The following ST3GAL1 variants were observed in gnomAD, a reference collection of about 807,000 sequenced individuals.
The protein encoded by ST3GAL1 is ST3 beta-galactoside alpha-2,3-sialyltransferase 1.
A neutral mutation model predicts 34.1 loss-of-function variants in ST3GAL1; 16 were observed. The observed-to-expected ratio is 0.47, with a 90% CI of 0.32 to 0.71. The LOEUF (loss-of-function observed/expected upper bound fraction) is 0.71, where lower values mean the gene tolerates loss of function less well. ST3GAL1 is among the 30% of genes least tolerant of loss of function. The pLI is 0.04. For missense variants in ST3GAL1, 353 were observed against 447.4 expected (o/e 0.79, Z 1.90); for synonymous variants, 191 against 184.7 (o/e 1.03, Z -0.28).
At chr8:133,540,298 C>T (rs1042859054) in intron 2 of ST3GAL1, among the ~76,000 whole-genome samples, 1 of 152,200 alleles carries the variant, frequency 6.6e-6, no homozygotes, top group Non-Finnish European at 1.5e-5. Context: ...CTCGCTGCTG[C>T]CCATCGGAAT....
intron 3 of ST3GAL1, among the ~76,000 whole-genome samples, chr8:133,494,648 T>C (rs1816886648): frequency 6.6e-6 from 1 of 152,130 alleles, no homozygotes; most frequent in South Asian, 2.1e-4. Context: ...GCCTGCAAGA[T>C]CCTACATGAA....
chr8:133,559,665 C>A (rs7820233), intron 1 of ST3GAL1, among the ~76,000 whole-genome samples: 1 of 151,788 alleles, frequency 6.6e-6, no homozygotes, highest in African/African-American at 2.4e-5. Flanking sequence ...AGAAGAAGAA[C>A]AACAAACCTT....
intron 2 of ST3GAL1, among the ~76,000 whole-genome samples, chr8:133,507,514 T>C (rs1352366604): frequency 1.3e-5 from 2 of 152,038 alleles, no homozygotes; most frequent in African/African-American, 4.8e-5. Context: ...GGCTTCCACC[T>C]TGCAGGCACG....
At chr8:133,486,771 A>AC (rs1200569555) in intron 3 of ST3GAL1, among the ~76,000 whole-genome samples, 9 of 152,024 alleles carry the variant, frequency 5.9e-5, no homozygotes, top group African/African-American at 2.2e-4. Flanking sequence ...GAGAACACCC[A>AC]CCCCCAACCC....
rs1019921972 is a variant in ST3GAL1, at chr8:133,467,306, C to A, written c.307-1216G>T. Among the ~76,000 whole-genome samples, 2 of 152,204 alleles carry A rather than the reference C, an allele frequency of 1.3e-5. No individual in the cohort carries two copies. Among genetic ancestry groups the A allele is most frequent in the Non-Finnish European group, 2.9e-5 (2 of 68,040 alleles). ...CCCCCGCTGCATGCCCAGGCCCGCCCGTCACCTCAGGTGGAGCTCTGGCCA... is the reference window on the plus strand; with the variant it reads ...CCCCCGCTGCATGCCCAGGCCCGCCAGTCACCTCAGGTGGAGCTCTGGCCA... On this transcript the variant is annotated intron_variant, in intron 5 of 9. Coordinates refer to ENST00000522652, the MANE Select transcript of ST3GAL1 (RefSeq NM_173344.3). The surrounding 1 kb of genome is among the most constrained non-coding windows in gnomAD (Gnocchi z 4.2).
At chr8:133,462,284 G>C (rs1271753768) in intron 8 of ST3GAL1, among the ~76,000 whole-genome samples, 2 of 152,176 alleles carry the variant, frequency 1.3e-5, no homozygotes, top group Non-Finnish European at 2.9e-5. Context: ...ATCCAAGGAG[G>C]CCAGGGAGTG....
intron 2 of ST3GAL1, among the ~76,000 whole-genome samples, chr8:133,540,671 G>A (rs1406176567): frequency 6.8e-6 from 1 of 146,946 alleles, no homozygotes; most frequent in Non-Finnish European, 1.5e-5. Flanking sequence ...CCCTGCCCTG[G>A]GACCCCCTGC....
At chr8:133,536,985 T>C (rs1340641564) in intron 2 of ST3GAL1, among the ~76,000 whole-genome samples, 1 of 152,154 alleles carries the variant, frequency 6.6e-6, no homozygotes, top group Non-Finnish European at 1.5e-5. Flanking sequence ...TCTGACACCA[T>C]CTACCTGGAG....
At chr8:133,569,460 G>A (rs1376759709) in intron 1 of ST3GAL1, among the ~76,000 whole-genome samples, 1 of 152,164 alleles carries the variant, frequency 6.6e-6, no homozygotes, top group Non-Finnish European at 1.5e-5. Context: ...ACGTATTTTG[G>A]AGAATGTATT....
chr8:133,480,523 G>A (rs1393422783), intron 3 of ST3GAL1, among the ~76,000 whole-genome samples: 1 of 152,162 alleles, frequency 6.6e-6, no homozygotes, highest in African/African-American at 2.4e-5. Flanking sequence ...ATGCCTGAGC[G>A]AACTGTGCAG....
chr8:133,558,591 T>C (rs142710907), intron 1 of ST3GAL1, among the ~76,000 whole-genome samples: 7 of 152,294 alleles, frequency 4.6e-5, no homozygotes, highest in Admixed American at 4.6e-4. Flanking sequence ...TCAACCAACA[T>C]ACCATGCCCC....
At chr8:133,484,992 A>G (rs1816531477) in intron 3 of ST3GAL1, among the ~76,000 whole-genome samples, 2 of 152,238 alleles carry the variant, frequency 1.3e-5, no homozygotes, top group Non-Finnish European at 1.5e-5. Context: ...TAAGGCTAGA[A>G]GCTAGAGTGG....
At chr8:133,558,492 AACAAGGTT>A (rs546638688) in intron 1 of ST3GAL1, among the ~76,000 whole-genome samples, 1 of 152,348 alleles carries the variant, frequency 6.6e-6, no homozygotes, top group Admixed American at 6.5e-5. Flanking sequence ...AAGAAGGTTG[AACAAGGTT>A]ACTGCAAAGG....
intron 1 of ST3GAL1, among the ~76,000 whole-genome samples, chr8:133,565,916 C>T (rs1819383734): frequency 6.6e-6 from 1 of 152,242 alleles, no homozygotes; most frequent in African/African-American, 2.4e-5. Context: ...CTGTAGAAAA[C>T]ACCTCAACTC....
chr8:133,489,275 A>T (rs914819715), intron 3 of ST3GAL1, among the ~76,000 whole-genome samples: 2 of 152,126 alleles, frequency 1.3e-5, no homozygotes, highest in African/African-American at 4.8e-5. Flanking sequence ...TGACCAGTCC[A>T]GGTGACCCCG....
intron 2 of ST3GAL1, among the ~76,000 whole-genome samples, chr8:133,535,203 G>T (rs181474790): frequency 6.6e-6 from 1 of 152,284 alleles, no homozygotes; most frequent in East Asian, 1.9e-4. Flanking sequence ...AGACATGGCA[G>T]GTACTACATT....
Position 133,530,090 on chromosome 8 carries a change from G to A in ST3GAL1, c.-429+15684C>T, listed in dbSNP as rs1474620853. Among the ~76,000 whole-genome samples, 7 of 152,192 alleles carry A rather than the reference G, an allele frequency of 4.6e-5. No homozygotes were observed. The East Asian group carries it at 5.8e-4, about 13-fold the overall frequency. On this transcript the variant is annotated intron_variant, in intron 2 of 9. Coordinates refer to ENST00000522652, the MANE Select transcript of ST3GAL1 (RefSeq NM_173344.3). ...TCCCCAGGGCTCTGAACCCTGCCCC[G>A]CCCTTGAAGGCATTCCACTGACATT...
chr8:133,465,918 A>C lies in ST3GAL1; in HGVS notation c.479T>G (p.Ile160Arg), dbSNP rs1353400313. The change falls in exon 6 of 10, where the codon ATA becomes AGA. Residue 160 changes from isoleucine to arginine, a missense_variant. By Grantham distance (97) the Ile-to-Arg change is moderately conservative. Transcript: ENST00000522652. ...NLRESSYGPE[I>R]DSHDFVLRMN... ...CCTGAGGACAAAGTCGTGACTGTCTATCTCAGGCCCATAAGAAGACTCCCT... is the reference window on the plus strand; with the variant it reads ...CCTGAGGACAAAGTCGTGACTGTCTCTCTCAGGCCCATAAGAAGACTCCCT... 1 of 1,614,072 alleles carries C rather than the reference A, an allele frequency of 6.2e-7. No homozygotes were observed. The highest frequency in any genetic ancestry group is 1.7e-5 in the Admixed American group (1 of 60,010).
Position 133,497,607 on chromosome 8 carries a change from G to T in ST3GAL1, c.-374+1528C>A, listed in dbSNP as rs192294211. Among the ~76,000 whole-genome samples the T allele has an allele frequency of 8.6e-4, 130 of 151,862 alleles. 3 individuals are homozygous for T. In the East Asian group the frequency reaches 0.022, roughly 25 times the overall value. On this transcript the variant is annotated intron_variant, in intron 3 of 9. Transcript: ENST00000522652. ...CCTGCCTCAGCCTCCCGAGTAGCTG[G>T]GATTACAGGAGCCCGCCACCATGCC...
Sources: allele counts gnomAD v4.1 joint callset (sites outside exome capture counted in the v4.1 genomes callset), GRCh38; gene constraint gnomAD v4.1.1; non-coding constraint Gnocchi (gnomAD v3.1); transcripts MANE v1.5; gene names NCBI Gene and HGNC (gene_info 2026-07-23, HGNC 2026-07-21).